The following AGTPBP1 variants were observed in gnomAD, a reference collection of about 807,000 sequenced individuals.
The protein encoded by AGTPBP1 is cytosolic carboxypeptidase 1.
AGTPBP1 carries 70 observed loss-of-function variants against 143.9 expected under a neutral mutation model. The observed-to-expected ratio is 0.49, with a 90% CI of 0.40 to 0.59. AGTPBP1 has a LOEUF of 0.59. AGTPBP1 is among the 20% of genes least tolerant of loss of function. The pLI is 0.00. For synonymous variants in AGTPBP1, 463 were observed against 500.2 expected (o/e 0.93, Z 0.99); for missense variants, 1,229 against 1,464.5 (o/e 0.84, Z 2.62).
intron 9 of AGTPBP1, among the ~76,000 whole-genome samples, chr9:85,659,423 A>G (rs1479000906): frequency 6.6e-6 from 1 of 152,186 alleles, no homozygotes; most frequent in Non-Finnish European, 1.5e-5. Context: ...ATTTTGTATC[A>G]TTCAATTTTC....
chr9:85,725,253 A>G (rs894465547), intron 1 of AGTPBP1, among the ~76,000 whole-genome samples: 3 of 152,204 alleles, frequency 2.0e-5, no homozygotes, highest in South Asian at 2.1e-4. Context: ...AGTCCACAAG[A>G]TATTGAAGAT....
At chr9:85,748,242 A>C in the AGTPBP1 span, among the ~76,000 whole-genome samples, 2 of 152,026 alleles carry the variant, frequency 1.3e-5, no homozygotes, top group Admixed American at 1.3e-4. Context: ...GTCTTGAAGT[A>C]TTTTCCCCTT....
At chr9:85,599,806 G>T (rs1180052470) in intron 17 of AGTPBP1, among the ~76,000 whole-genome samples, 3 of 152,182 alleles carry the variant, frequency 2.0e-5, no homozygotes, top group African/African-American at 7.2e-5. Context: ...AAGACATTTG[G>T]ATGTCCACTG....
At chr9:85,641,856 G>A (rs1832494652) in intron 13 of AGTPBP1, among the ~76,000 whole-genome samples, 1 of 151,802 alleles carries the variant, frequency 6.6e-6, no homozygotes, top group African/African-American at 2.4e-5. Flanking sequence ...GTCTCATCAC[G>A]CCCGGCTAAT....
intron 8 of AGTPBP1, among the ~76,000 whole-genome samples, chr9:85,662,101 G>A (rs1587849809): frequency 6.6e-6 from 1 of 152,060 alleles, no homozygotes; most frequent in South Asian, 2.1e-4. Flanking sequence ...GCAGTACAAG[G>A]GAAGTAGCAT....
chr9:85,761,836 CA>C, the AGTPBP1 span, among the ~76,000 whole-genome samples: 1 of 151,980 alleles, frequency 6.6e-6, no homozygotes, highest in Non-Finnish European at 1.5e-5. Context: ...AGTGAGCAGG[CA>C]AACTACAAAA....
At chr9:85,558,880 A>C (rs1195915645) in intron 25 of AGTPBP1, among the ~76,000 whole-genome samples, 1 of 152,190 alleles carries the variant, frequency 6.6e-6, no homozygotes, top group Non-Finnish European at 1.5e-5. Flanking sequence ...TGGCCTCCCA[A>C]AGTGCTGGGA....
At chr9:85,656,219 AAC>A (rs1459211494) in intron 10 of AGTPBP1, among the ~76,000 whole-genome samples, 1 of 152,200 alleles carries the variant, frequency 6.6e-6, no homozygotes, top group Non-Finnish European at 1.5e-5. Context: ...GTCATATAAC[AAC>A]AGTATTATTA....
chr9:85,567,257 G>A (rs1252826030), intron 25 of AGTPBP1, among the ~76,000 whole-genome samples: 2 of 152,094 alleles, frequency 1.3e-5, no homozygotes, highest in Non-Finnish European at 2.9e-5. Flanking sequence ...AGTCTTTAGG[G>A]TCTTCAAAGA....
At chr9:85,670,992 A>T (rs1834444626) in intron 7 of AGTPBP1, among the ~76,000 whole-genome samples, 1 of 152,120 alleles carries the variant, frequency 6.6e-6, no homozygotes, top group South Asian at 2.1e-4. Context: ...CCCAAGCTGG[A>T]ATGCAGTGGT....
chr9:85,659,530 CATGT>C (rs1279680779), intron 9 of AGTPBP1, among the ~76,000 whole-genome samples: 7 of 151,858 alleles, frequency 4.6e-5, no homozygotes, highest in African/African-American at 1.7e-4. Context: ...ATGGAATAAA[CATGT>C]ATGTTTGCCC....
chr9:85,692,635 A>C (rs905071186), intron 3 of AGTPBP1, 54 bp downstream of exon 3: 1 of 1,570,842 alleles, frequency 6.4e-7, no homozygotes, highest in African/African-American at 1.4e-5. Context: ...TTTAGCATCC[A>C]CTTTTAAAGA....
Position 85,628,532 on chromosome 9 carries a change from C to T in AGTPBP1, c.2015+4130G>A, listed in dbSNP as rs549716642. Among the ~76,000 whole-genome samples, 26 of 152,246 alleles carry T rather than the reference C, an allele frequency of 1.7e-4. No individual in the cohort carries two copies. In the South Asian group the frequency reaches 3.1e-3, roughly 18 times the overall value. On this transcript the variant is annotated intron_variant, in intron 14 of 25. Transcript: ENST00000357081. ...TGCAGCAACAAATCAGAACACATCT[C>T]CATCAAGGTCGTGAAAATCAAAGAG... is the stretch of plus-strand genomic sequence containing the variant.
chr9:85,784,177 T>C, the AGTPBP1 span, among the ~76,000 whole-genome samples: 4 of 152,164 alleles, frequency 2.6e-5, no homozygotes, highest in Admixed American at 2.6e-4. Context: ...GTAAGGATAA[T>C]AGAGTCAAAA....
intron 8 of AGTPBP1, among the ~76,000 whole-genome samples, chr9:85,667,865 A>G (rs1051812039): frequency 3.8e-4 from 58 of 150,772 alleles, no homozygotes; most frequent in Non-Finnish European, 5.2e-4. Context: ...AATATAATGT[A>G]TAGACTTAAT....
chr9:85,641,576 G>C (rs1832470084), intron 13 of AGTPBP1, among the ~76,000 whole-genome samples: 1 of 152,098 alleles, frequency 6.6e-6, no homozygotes, highest in African/African-American at 2.4e-5. Flanking sequence ...CAGAGCAGGG[G>C]GTGGCAGGGA....
intron 11 of AGTPBP1, among the ~76,000 whole-genome samples, chr9:85,650,004 G>T (rs1833048863): frequency 6.9e-6 from 1 of 145,272 alleles, no homozygotes; most frequent in Non-Finnish European, 1.5e-5. Flanking sequence ...AATCTTACCA[G>T]ATTGTGTTTT....
Position 85,575,463 on chromosome 9 carries a change from C to T in AGTPBP1, c.3355G>A (p.Gly1119Ser), listed in dbSNP as rs767296418. Reference protein sequence around the residue: ...DQGKYKGLQIGTRELEEMGAK... With the variant: ...DQGKYKGLQISTRELEEMGAK... ...CCCATCTCTTCCAGTTCTCGGGTAC[C>T]AATCTGTAAACCCTTGAAATAAACA... The change falls in exon 25 of 26, where the codon GGT becomes AGT. Residue 1119 changes from glycine (G) to serine (S), a missense_variant. Gly to Ser is a moderately conservative substitution (Grantham distance 56, BLOSUM62 0). Around this residue, in one of 2 missense-constraint regions of AGTPBP1, gnomAD observed 486 missense variants for 652.3 expected, o/e 0.75. Transcript: ENST00000357081. 4.4e-6 allele frequency: 7 copies of T among 1,605,934 alleles called. No homozygotes were observed. The highest frequency in any genetic ancestry group is 1.3e-5 in the African/African-American group (1 of 74,586).
chr9:85,756,598 T>G, the AGTPBP1 span, among the ~76,000 whole-genome samples: 2 of 152,158 alleles, frequency 1.3e-5, no homozygotes, highest in African/African-American at 4.8e-5. Flanking sequence ...TATCTCTGTA[T>G]GTATTTCTCC....
Sources: gnomAD v4.1 joint callset for allele counts (sites outside exome capture counted in the v4.1 genomes callset) on GRCh38, gnomAD v4.1.1 for gene constraint, gnomAD v4.1.1 regional missense constraint, MANE v1.5 for transcripts, NCBI Gene and HGNC (gene_info 2026-07-23, HGNC 2026-07-21) for gene names.